MYO5C: variants seen among roughly 807,000 people sequenced by gnomAD.
MYO5C encodes the protein myosin VC.
A neutral mutation model predicts 235.7 loss-of-function variants in MYO5C; 194 were observed. The observed-to-expected ratio is 0.82, with a 90% CI of 0.73 to 0.93. The LOEUF is 0.93. MYO5C is among the 40% of genes least tolerant of loss of function. MYO5C has a pLI of 0.00. For missense variants in MYO5C, 2,038 were observed against 2,127.2 expected, an observed-to-expected ratio of 0.96 and a Z score of 0.82; for synonymous variants, 707 against 754.8, an observed-to-expected ratio of 0.94 and a Z score of 1.04.
In MYO5C at chr15:52,295,801, C is replaced by A. The variant is rs1005323911; in HGVS notation, c.-165G>T. On this transcript the variant is annotated 5_prime_UTR_variant, in exon 1 of 41. Coordinates refer to ENST00000261839, the MANE Select transcript of MYO5C (RefSeq NM_018728.4). ...CCTCCTGTTCCCGTTCCCGAGTTGG[C>A]GGCGAGGGGAGGGGGCAGCGGCGGG... is the stretch of plus-strand genomic sequence containing the variant. 1.7e-5 allele frequency: 8 copies of A among 467,926 alleles called. No homozygotes were observed. Among genetic ancestry groups the A allele is most frequent in the Non-Finnish European group, 2.9e-5 (8 of 273,782 alleles). 29.0% of individuals were successfully genotyped at this position (467,926 alleles called of 1,614,324 possible). A position where few individuals can be genotyped will look rare whatever the true frequency, so the allele number is the denominator to read the frequency against.
chr15:52,236,073 T>A (rs994500639), intron 22 of MYO5C, among the ~76,000 whole-genome samples: 1 of 152,222 alleles, frequency 6.6e-6, no homozygotes, highest in Non-Finnish European at 1.5e-5. Context: ...AGCTTCTCAA[T>A]AGCCAGGGGA....
chr15:52,256,561 G>GC, intron 11 of MYO5C, 78 bp downstream of exon 11: 2 of 471,186 alleles, frequency 4.2e-6, no homozygotes, highest in Non-Finnish European at 6.0e-6. Context: ...CTCTTTCCAC[G>GC]AACACACACA....
intron 38 of MYO5C, among the ~76,000 whole-genome samples, chr15:52,202,815 T>C (rs769241003): frequency 3.3e-5 from 5 of 152,132 alleles, no homozygotes; most frequent in African/African-American, 1.2e-4. Flanking sequence ...GCTAAAAAGG[T>C]GTAAGGGATG....
chr15:52,232,566 T>G (rs371832979), intron 24 of MYO5C, 56 bp downstream of exon 24: 24 of 1,543,084 alleles, frequency 1.6e-5, no homozygotes, highest in Non-Finnish European at 2.0e-5. Flanking sequence ...ATGGAAAATA[T>G]AAAACAGCAC....
chr15:52,229,317 C>A lies in MYO5C; in HGVS notation c.3027-4G>T. ...TTCAAAACTTTTTTCAAGAAGCCTA[C>A]GCAGCAAAAGAAGAAAATAATTTAG... is the stretch of plus-strand genomic sequence containing the variant. On this transcript the variant is annotated splice_region_variant and splice_polypyrimidine_tract_variant and intron_variant, in intron 24 of 40. Transcript: ENST00000261839. The A allele has an allele frequency of 3.7e-6, 6 of 1,609,120 alleles. No individual in the cohort carries two copies. The highest frequency in any genetic ancestry group is 5.1e-6 in the Non-Finnish European group (6 of 1,179,466).
At chr15:52,256,776 G>T in intron 10 of MYO5C, 56 bp from the exon 11 acceptor site, 3 of 1,343,754 alleles carry the variant, frequency 2.2e-6, no homozygotes, top group Middle Eastern at 3.7e-4. Context: ...ATATGCATTT[G>T]TTTATAGATA....
chr15:52,250,130 A>C (rs1342241116), intron 13 of MYO5C, among the ~76,000 whole-genome samples: 1 of 152,184 alleles, frequency 6.6e-6, no homozygotes, highest in Non-Finnish European at 1.5e-5. Context: ...AAATTATGAC[A>C]ATAGCTAGGA....
At chr15:52,238,942 G>A (rs1384450644) in intron 21 of MYO5C, among the ~76,000 whole-genome samples, 2 of 147,160 alleles carry the variant, frequency 1.4e-5, no homozygotes, top group Non-Finnish European at 3.0e-5. Flanking sequence ...CACCCAGCTG[G>A]ATGTTTCTTT....
chr15:52,268,858 T>C (rs1004321724), intron 8 of MYO5C, among the ~76,000 whole-genome samples: 2 of 152,278 alleles, frequency 1.3e-5, no homozygotes, highest in African/African-American at 2.4e-5. Flanking sequence ...GACCCTGGAG[T>C]GCAAAAGCCA....
At chr15:52,256,587 A>ACACACATG in intron 11 of MYO5C, 52 bp downstream of exon 11, 1 of 564,336 alleles carries the variant, frequency 1.8e-6, no homozygotes, top group Non-Finnish European at 3.1e-6. Context: ...ACACACACAC[A>ACACACATG]CGCGCGCGCG....
At chr15:52,270,160 T>C (rs994376689) in intron 7 of MYO5C, among the ~76,000 whole-genome samples, 6 of 152,164 alleles carry the variant, frequency 3.9e-5, no homozygotes, top group Non-Finnish European at 5.9e-5. Flanking sequence ...CACATGCCTA[T>C]GGTCCCAGCT....
At chr15:52,232,566 T>C in intron 24 of MYO5C, 56 bp downstream of exon 24, 2 of 1,543,204 alleles carry the variant, frequency 1.3e-6, no homozygotes, top group Non-Finnish European at 1.8e-6. Context: ...ATGGAAAATA[T>C]AAAACAGCAC....
At chr15:52,213,144 T>G (rs1384816855) in intron 34 of MYO5C, 44 bp downstream of exon 34, 2 of 1,496,258 alleles carry the variant, frequency 1.3e-6, no homozygotes, top group Admixed American at 3.3e-5. Flanking sequence ...GATATGCAAG[T>G]TCTCAAAGAG....
chr15:52,279,984 G>A (rs560175790), intron 2 of MYO5C, among the ~76,000 whole-genome samples: 254 of 152,290 alleles, frequency 1.7e-3, no homozygotes, highest in African/African-American at 6.0e-3. Context: ...AATAAGGAGT[G>A]TTGGGGAAGC....
intron 35 of MYO5C, among the ~76,000 whole-genome samples, chr15:52,210,823 T>C (rs140151620): frequency 5.6e-4 from 86 of 152,384 alleles, no homozygotes; most frequent in African/African-American, 2.0e-3. Context: ...TTTAGGATTA[T>C]GTTTCAGTTG....
chr15:52,207,277 AGGG>A (rs2035342968), intron 36 of MYO5C, among the ~76,000 whole-genome samples: 1 of 152,260 alleles, frequency 6.6e-6, no homozygotes, highest in African/African-American at 2.4e-5. Flanking sequence ...ACATGGCTGA[AGGG>A]GGCAAAGAAA....
intron 38 of MYO5C, among the ~76,000 whole-genome samples, chr15:52,202,686 G>C (rs2035215325): frequency 1.3e-5 from 2 of 152,220 alleles, no homozygotes; most frequent in African/African-American, 4.8e-5. Flanking sequence ...AAGACATAAA[G>C]ATCTGCAAAG....
intron 21 of MYO5C, 37 bp downstream of exon 21, chr15:52,239,696 A>G (rs747379264): frequency 6.4e-7 from 1 of 1,558,026 alleles, no homozygotes; most frequent in Non-Finnish European, 8.7e-7. Context: ...GCCATGTAAG[A>G]AAAAGTAAAT....
At chr15:52,205,206 G>A (rs546005419) in intron 37 of MYO5C, 59 bp from the exon 38 acceptor site, 9 of 1,565,810 alleles carry the variant, frequency 5.7e-6, no homozygotes, top group Middle Eastern at 2.1e-4. Context: ...GAACGTTCCC[G>A]ACGCTCTTCG....
Sources: gnomAD v4.1 joint callset for allele counts (sites outside exome capture counted in the v4.1 genomes callset) on GRCh38, gnomAD v4.1.1 for gene constraint, MANE v1.5 for transcripts, NCBI Gene and HGNC (gene_info 2026-07-23, HGNC 2026-07-21) for gene names.